GSE1: variants seen among roughly 807,000 people sequenced by gnomAD.
The protein encoded by GSE1 is genetic suppressor element 1.
GSE1 carries 32 observed loss-of-function variants against 112.6 expected under a neutral mutation model. That is an observed-to-expected ratio of 0.28 (90% CI 0.21 to 0.38). The LOEUF is 0.38. Among genes scored for constraint, GSE1 ranks in the 10% least tolerant of loss-of-function variants. The probability of loss-of-function intolerance (pLI) is 1.00; values close to 1 mark genes in which losing one functional copy is unlikely to be tolerated. For synonymous variants in GSE1, 1,115 were observed against 735.6 expected (o/e 1.52, Z -8.35); for missense variants, 2,348 against 1,699.2 (o/e 1.38, Z -6.71).
chr16:85,276,734 G>A (rs1909404162), intron 1 of GSE1, among the ~76,000 whole-genome samples: 1 of 152,184 alleles, frequency 6.6e-6, no homozygotes, highest in South Asian at 2.1e-4. Context: ...GGGGAGGTGT[G>A]TGGGGTGGGA....
At chr16:85,174,204 A>G (rs1296763319) in intron 1 of GSE1, among the ~76,000 whole-genome samples, 1 of 152,218 alleles carries the variant, frequency 6.6e-6, no homozygotes, top group African/African-American at 2.4e-5. Context: ...ATGAGAGGAA[A>G]TAAGGTTGGA....
At chr16:85,589,159 G>A (rs2046848391) in intron 1 of GSE1, among the ~76,000 whole-genome samples, 4 of 152,058 alleles carry the variant, frequency 2.6e-5, no homozygotes, top group South Asian at 4.2e-4. Context: ...CACCCCCACC[G>A]GCTTCCTAGC....
At chr16:85,615,174 C>T (rs912534837) in intron 1 of GSE1, among the ~76,000 whole-genome samples, 2 of 152,218 alleles carry the variant, frequency 1.3e-5, no homozygotes, top group Non-Finnish European at 2.9e-5. Flanking sequence ...ACGGCAGAAC[C>T]TGAGGCACAG....
intron 2 of GSE1, among the ~76,000 whole-genome samples, chr16:85,381,797 G>C (rs971157507): frequency 1.3e-5 from 2 of 152,196 alleles, no homozygotes; most frequent in East Asian, 3.8e-4. Context: ...GGATGCTGTT[G>C]GGTGACCCTG....
chr16:85,246,319 ACACACACACACACC>A (rs1177453900), intron 1 of GSE1, among the ~76,000 whole-genome samples: 1 of 83,994 alleles, frequency 1.2e-5, no homozygotes, highest in Admixed American at 1.3e-4. Context: ...CTACACACAC[ACACACACACACACC>A]CCCCACACGC....
intron 1 of GSE1, among the ~76,000 whole-genome samples, chr16:85,342,063 A>G (rs932718044): frequency 6.6e-6 from 1 of 151,914 alleles, no homozygotes; most frequent in Non-Finnish European, 1.5e-5. Context: ...TTGTGTCTGC[A>G]GGGCCCGGTG....
chr16:85,428,030 T>C (rs926700133), intron 2 of GSE1, among the ~76,000 whole-genome samples: 2 of 152,166 alleles, frequency 1.3e-5, no homozygotes, highest in South Asian at 2.1e-4. Context: ...TCCATGGCCA[T>C]GCGTGGCCCG....
At chr16:85,248,580 G>A (rs946360711) in intron 1 of GSE1, among the ~76,000 whole-genome samples, 1 of 151,998 alleles carries the variant, frequency 6.6e-6, no homozygotes, top group African/African-American at 2.4e-5. Flanking sequence ...TGATGATACA[G>A]TAAGTGGAAG....
chr16:85,195,581 A>G (rs560625019), intron 1 of GSE1, among the ~76,000 whole-genome samples: 4 of 152,270 alleles, frequency 2.6e-5, no homozygotes, highest in South Asian at 2.1e-4. Context: ...CTTCTGCCCT[A>G]TATTTCTGAC....
chr16:85,632,606 C>T (rs1049694604), intron 1 of GSE1, among the ~76,000 whole-genome samples: 4 of 152,204 alleles, frequency 2.6e-5, no homozygotes, highest in African/African-American at 9.7e-5. Context: ...GTCAATGTCA[C>T]TTAGAATCTG....
In GSE1 at chr16:85,661,417, C is replaced by T. The variant is rs143159683; in HGVS notation, c.1912C>T (p.Pro638Ser). ...VFCPEKAEEG[P>S]RKREPAPLDK... ...CTGCCCGGAGAAAGCAGAGGAGGGG[C>T]CACGGAAGCGTGAGCCTGCCCCTCT... Residue 638 changes from proline (P) to serine (S), a missense_variant, in exon 9 of 16, where the codon CCA becomes TCA. Coordinates refer to ENST00000253458, the MANE Select transcript of GSE1 (RefSeq NM_014615.5). The T allele has an allele frequency of 1.9e-6, 3 of 1,612,090 alleles. No homozygotes were observed. The African/African-American group carries it at 4.0e-5, about 22-fold the overall frequency.
chr16:85,661,832 G>A, intron 9 of GSE1, 67 bp downstream of exon 9: 1 of 1,386,210 alleles, frequency 7.2e-7, no homozygotes, highest in Non-Finnish European at 9.5e-7. Flanking sequence ...GAGCCTGCAT[G>A]CCAGCCACCT....
At chr16:85,658,810 C>T (rs78290934) in intron 8 of GSE1, among the ~76,000 whole-genome samples, 2 of 140,264 alleles carry the variant, frequency 1.4e-5, no homozygotes, top group African/African-American at 2.5e-5. Flanking sequence ...GCATCTTCTT[C>T]CTCAGGGCTC....
At chr16:85,352,017 C>A (rs891572152) in intron 1 of GSE1, among the ~76,000 whole-genome samples, 2 of 151,140 alleles carry the variant, frequency 1.3e-5, no homozygotes, top group Admixed American at 1.3e-4. Context: ...AAAAAAAACC[C>A]AAATAGACTG....
At chr16:85,584,147 G>A (rs1258137887) in intron 1 of GSE1, among the ~76,000 whole-genome samples, 1 of 151,518 alleles carries the variant, frequency 6.6e-6, no homozygotes, top group Non-Finnish European at 1.5e-5. Context: ...TTGTGTGCGT[G>A]CGTGCCGGTG....
At chr16:85,359,028 C>T (rs1294935434) in intron 2 of GSE1, among the ~76,000 whole-genome samples, 1 of 151,858 alleles carries the variant, frequency 6.6e-6, no homozygotes, top group Non-Finnish European at 1.5e-5. Context: ...CAGCCAGGAC[C>T]CGAGCGTGTT....
chr16:85,639,165 C>T (rs1460640590), intron 2 of GSE1, among the ~76,000 whole-genome samples: 1 of 152,210 alleles, frequency 6.6e-6, no homozygotes, highest in Non-Finnish European at 1.5e-5. Context: ...TTGTTCCTCC[C>T]ACATTGTCCC....
intron 2 of GSE1, among the ~76,000 whole-genome samples, chr16:85,439,385 G>T (rs2049323007): frequency 6.6e-6 from 1 of 152,240 alleles, no homozygotes; most frequent in Non-Finnish European, 1.5e-5. Context: ...CTGCCATCTG[G>T]CTCTCTCAGC....
intron 1 of GSE1, among the ~76,000 whole-genome samples, chr16:85,579,479 C>T (rs907795585): frequency 1.3e-5 from 2 of 152,184 alleles, no homozygotes; most frequent in African/African-American, 4.8e-5. Context: ...CTGGCCCTGG[C>T]GCTGGGCAGC....
Sources: gnomAD v4.1 joint callset for allele counts (sites outside exome capture counted in the v4.1 genomes callset) on GRCh38, gnomAD v4.1.1 for gene constraint, MANE v1.5 for transcripts, NCBI Gene and HGNC (gene_info 2026-07-23, HGNC 2026-07-21) for gene names.